Variants in ADCY2 observed in about 807,000 individuals in gnomAD.
The protein encoded by ADCY2 is adenylate cyclase 2.
In ADCY2, 31 loss-of-function variants were observed where a neutral mutation model predicts 125.2. That is an observed-to-expected ratio of 0.25 (90% CI 0.19 to 0.33). The LOEUF is 0.33. Ranked by LOEUF, ADCY2 falls within the 10% of genes least tolerant of loss-of-function variation. The probability of loss-of-function intolerance (pLI) is 1.00; values close to 1 mark genes in which losing one functional copy is unlikely to be tolerated. For synonymous variants in ADCY2, 512 were observed against 548.4 expected (o/e 0.93, Z 0.93); for missense variants, 904 against 1,418.2 (o/e 0.64, Z 5.82).
At chr5:7,551,270 T>G (rs1049806577) in intron 3 of ADCY2, among the ~76,000 whole-genome samples, 2 of 152,198 alleles carry the variant, frequency 1.3e-5, no homozygotes, top group Non-Finnish European at 2.9e-5. Context: ...AAGAAAACTA[T>G]TCTGAGTTCA....
At chr5:7,705,655 C>T (rs867589213) in intron 7 of ADCY2, among the ~76,000 whole-genome samples, 1 of 151,952 alleles carries the variant, frequency 6.6e-6, no homozygotes, top group South Asian at 2.1e-4. Context: ...TGCTCTGGCT[C>T]GTTTTGTGGG....
chr5:7,623,719 C>A (rs150899085), intron 3 of ADCY2, among the ~76,000 whole-genome samples: 1 of 152,316 alleles, frequency 6.6e-6, no homozygotes, highest in East Asian at 1.9e-4. Flanking sequence ...AAGTGCTGGG[C>A]TGCTGCACCT....
chr5:7,608,316 T>A (rs1393340593), intron 3 of ADCY2, among the ~76,000 whole-genome samples: 1 of 152,138 alleles, frequency 6.6e-6, no homozygotes, highest in Non-Finnish European at 1.5e-5. Flanking sequence ...GTGTGGTGGC[T>A]CACACCTGTA....
intron 2 of ADCY2, among the ~76,000 whole-genome samples, chr5:7,465,007 A>C (rs888909337): frequency 6.6e-6 from 1 of 152,168 alleles, no homozygotes; most frequent in African/African-American, 2.4e-5. Context: ...GCAAGAGAGA[A>C]TGAGCGCCAA....
At chr5:7,450,491 C>T (rs1741433343) in intron 2 of ADCY2, among the ~76,000 whole-genome samples, 2 of 152,148 alleles carry the variant, frequency 1.3e-5, no homozygotes, top group Non-Finnish European at 1.5e-5. Flanking sequence ...GCAGAGGTGG[C>T]TTCATGAGAT....
intron 20 of ADCY2, chr5:7,801,309 A>C (rs1008341767): frequency 2.0e-5 from 3 of 152,316 alleles, no homozygotes; most frequent in Non-Finnish European, 4.4e-5. Context: ...GGAAGCACCA[A>C]CCATTTTTCC....
At position 7,664,501 on chromosome 5, in the gene ADCY2, A is replaced by G. The variant is rs955817048; in HGVS notation, c.721-26190A>G. On this transcript the variant is annotated intron_variant, in intron 4 of 24. Transcript: ENST00000338316. ...AAGCTCTGACTTTTTATCTTGCCCA[A>G]TTTCCTATCTAAGGGGTCTGGGGAG... Among the ~76,000 whole-genome samples, 6 of 152,226 alleles carry G rather than the reference A, an allele frequency of 3.9e-5. No individual in the cohort carries two copies. In the East Asian group the frequency reaches 5.8e-4, roughly 15 times the overall value.
At chr5:7,699,635 G>A (rs1354578676) in intron 7 of ADCY2, among the ~76,000 whole-genome samples, 1 of 152,166 alleles carries the variant, frequency 6.6e-6, no homozygotes, top group Non-Finnish European at 1.5e-5. Flanking sequence ...CACCCAGGCT[G>A]GAGTGCAGTG....
intron 20 of ADCY2, chr5:7,796,847 A>G (rs908497530): frequency 6.6e-6 from 1 of 152,242 alleles, no homozygotes; most frequent in Non-Finnish European, 1.5e-5. Context: ...CATCAAAGCC[A>G]GCTCTCATCA....
chr5:7,589,127 A>G (rs1185586115), intron 3 of ADCY2, among the ~76,000 whole-genome samples: 1 of 152,184 alleles, frequency 6.6e-6, no homozygotes, highest in Non-Finnish European at 1.5e-5. Flanking sequence ...CTTAATAGCC[A>G]CTTGATAATT....
intron 3 of ADCY2, among the ~76,000 whole-genome samples, chr5:7,621,298 T>C (rs1298099066): frequency 6.6e-6 from 1 of 152,108 alleles, no homozygotes; most frequent in Non-Finnish European, 1.5e-5. Context: ...AGGCGTATGG[T>C]CTCCAAGAAC....
chr5:7,489,076 G>C (rs992272432), intron 2 of ADCY2, among the ~76,000 whole-genome samples: 1 of 152,156 alleles, frequency 6.6e-6, no homozygotes, highest in African/African-American at 2.4e-5. Context: ...AGACTTTCCT[G>C]CCCTGCCCAG....
At chr5:7,492,984 T>C (rs947130939) in intron 2 of ADCY2, among the ~76,000 whole-genome samples, 2 of 152,100 alleles carry the variant, frequency 1.3e-5, no homozygotes, top group African/African-American at 4.8e-5. Flanking sequence ...TCATGGCCAT[T>C]GCTCTTGTGC....
chr5:7,790,777 G>C (rs978125729), intron 20 of ADCY2, among the ~76,000 whole-genome samples: 1 of 152,218 alleles, frequency 6.6e-6, no homozygotes, highest in Non-Finnish European at 1.5e-5. Flanking sequence ...AAAGGGGAAA[G>C]AGTGGACAGT....
At chr5:7,576,571 G>A (rs980222156) in intron 3 of ADCY2, among the ~76,000 whole-genome samples, 5 of 152,190 alleles carry the variant, frequency 3.3e-5, no homozygotes, top group African/African-American at 9.7e-5. Context: ...AATAACAACA[G>A]GCCCTTTGAA....
At chr5:7,654,876 C>G (rs912336507) in intron 4 of ADCY2, among the ~76,000 whole-genome samples, 2 of 152,130 alleles carry the variant, frequency 1.3e-5, no homozygotes, top group Admixed American at 1.3e-4. Flanking sequence ...GATCTTGGGA[C>G]CTGGAAATCC....
At chr5:7,589,515 G>GAAAGAAAGAAAGAAAGAAAGA (rs1561112613) in intron 3 of ADCY2, among the ~76,000 whole-genome samples, 1 of 54,154 alleles carries the variant, frequency 1.8e-5, no homozygotes, top group Non-Finnish European at 4.6e-5. Flanking sequence ...AGAAAGAAAA[G>GAAAGAAAGAAAGAAAGAAAGA]AAAAGAAAGA....
intron 18 of ADCY2, among the ~76,000 whole-genome samples, chr5:7,776,093 C>T (rs1743716026): frequency 6.6e-6 from 1 of 151,252 alleles, no homozygotes; most frequent in South Asian, 2.1e-4. Flanking sequence ...TTTCTGAGAT[C>T]CAAGAGCTTT....
At chr5:7,696,910 G>A (rs981149618) in intron 6 of ADCY2, among the ~76,000 whole-genome samples, 4 of 152,144 alleles carry the variant, frequency 2.6e-5, no homozygotes, top group African/African-American at 9.7e-5. Context: ...AGTTTTGTGG[G>A]TGTTCATTTA....
Sources: gnomAD v4.1 joint callset for allele counts (sites outside exome capture counted in the v4.1 genomes callset) on GRCh38, gnomAD v4.1.1 for gene constraint, MANE v1.5 for transcripts, NCBI Gene and HGNC (gene_info 2026-07-23, HGNC 2026-07-21) for gene names.